SYN3: variants seen among roughly 807,000 people sequenced by gnomAD.
SYN3 encodes synapsin-3.
SYN3 carries 35 observed loss-of-function variants against 65.8 expected under a neutral mutation model. That is an observed-to-expected ratio of 0.53 (90% CI 0.41 to 0.70). The LOEUF (loss-of-function observed/expected upper bound fraction) is 0.70. Ranked by LOEUF, SYN3 falls within the 30% of genes least tolerant of loss-of-function variation. SYN3 has a pLI of 0.00. For missense variants in SYN3, 680 were observed against 749.0 expected (o/e 0.91, Z 1.08); for synonymous variants, 270 against 292.9 (o/e 0.92, Z 0.80).
At chr22:32,699,976 G>A (rs1000744111) in intron 6 of SYN3, among the ~76,000 whole-genome samples, 1 of 152,112 alleles carries the variant, frequency 6.6e-6, no homozygotes, top group African/African-American at 2.4e-5. Flanking sequence ...GGGATAATGG[G>A]ACCAGAGAAG....
chr22:32,730,792 A>C (rs2061260102), intron 6 of SYN3, among the ~76,000 whole-genome samples: 1 of 152,080 alleles, frequency 6.6e-6, no homozygotes, highest in African/African-American at 2.4e-5. Context: ...TCTTACCTTT[A>C]CCTACCCAAC....
At chr22:32,759,805 A>C (rs1269736379) in intron 6 of SYN3, among the ~76,000 whole-genome samples, 3 of 38,254 alleles carry the variant, frequency 7.8e-5, no homozygotes, top group African/African-American at 1.0e-4. Context: ...CCCACGCACC[A>C]CCAGCCAGCA....
chr22:32,740,063 T>G (rs2061385402), intron 6 of SYN3, among the ~76,000 whole-genome samples: 1 of 152,190 alleles, frequency 6.6e-6, no homozygotes, highest in Non-Finnish European at 1.5e-5. Flanking sequence ...TATAAGGAAA[T>G]GCTGGCAGCA....
chr22:32,957,040 G>C (rs930489764), intron 3 of SYN3, among the ~76,000 whole-genome samples: 1 of 152,184 alleles, frequency 6.6e-6, no homozygotes, highest in African/African-American at 2.4e-5. Context: ...GTCAGGGCAG[G>C]CTAATCAGGA....
chr22:32,808,133 T>G (rs1056726871), intron 6 of SYN3, among the ~76,000 whole-genome samples: 2 of 152,126 alleles, frequency 1.3e-5, no homozygotes, highest in African/African-American at 4.8e-5. Flanking sequence ...GAAGATAGCT[T>G]TATGTATTTA....
intron 7 of SYN3, among the ~76,000 whole-genome samples, chr22:32,590,130 C>T (rs2710389): frequency 0.022 from 3,321 of 152,324 alleles, 123 homozygotes; most frequent in African/African-American, 0.076. Context: ...ACTTCTGCCT[C>T]ATCTCCATGA....
Position 32,755,007 on chromosome 22 carries a change from G to A in SYN3, c.711+109908C>T, listed in dbSNP as rs374526674. Among the ~76,000 whole-genome samples, 13 of 152,256 alleles carry A rather than the reference G, an allele frequency of 8.5e-5. No individual in the cohort carries two copies. In the East Asian group the frequency reaches 2.1e-3, roughly 25 times the overall value. ...CCCTGCAAGGACAATGTGAGACTCAGCACAACTCCAAGTCCTTCCCTCCCA... is the reference window on the plus strand; with the variant it reads ...CCCTGCAAGGACAATGTGAGACTCAACACAACTCCAAGTCCTTCCCTCCCA... On this transcript the variant is annotated intron_variant, in intron 6 of 13. Transcript: ENST00000358763.
intron 11 of SYN3, among the ~76,000 whole-genome samples, chr22:32,528,261 TATA>T (rs1367697819): frequency 1.3e-5 from 2 of 152,204 alleles, no homozygotes; most frequent in African/African-American, 4.8e-5. Context: ...GCCCCGTCAG[TATA>T]ATAACTACGA....
intron 6 of SYN3, among the ~76,000 whole-genome samples, chr22:32,788,456 G>C (rs139083176): frequency 0.011 from 1,737 of 152,072 alleles, 17 homozygotes; most frequent in Non-Finnish European, 0.02. Flanking sequence ...CAGGAGAATC[G>C]CTTGAACTCA....
At chr22:32,909,537 C>T (rs2049992298) in intron 4 of SYN3, among the ~76,000 whole-genome samples, 1 of 152,164 alleles carries the variant, frequency 6.6e-6, no homozygotes, top group Non-Finnish European at 1.5e-5. Context: ...TATCTTTGCT[C>T]TCCCAGGGTC....
At chr22:32,535,747 C>T (rs557389889) in intron 9 of SYN3, among the ~76,000 whole-genome samples, 1 of 150,976 alleles carries the variant, frequency 6.6e-6, no homozygotes, top group African/African-American at 2.4e-5. Flanking sequence ...GAAGGGGCTG[C>T]AGGCGTACAG....
In SYN3 at chr22:32,572,255, T is replaced by TTCCTTCCTTCCTTCCTTCCTTCCTTCC. The variant is rs1246276846; in HGVS notation, c.774+24418_774+24419insGGAAGGAAGGAAGGAAGGAAGGAAGGA. Among the ~76,000 whole-genome samples the TTCCTTCCTTCCTTCCTTCCTTCCTTCC allele has an allele frequency of 4.2e-3, 369 of 87,562 alleles. 20 individuals are homozygous for TTCCTTCCTTCCTTCCTTCCTTCCTTCC. Among genetic ancestry groups the TTCCTTCCTTCCTTCCTTCCTTCCTTCC allele is most frequent in the Middle Eastern group, 0.016 (2 of 124 alleles). 57.4% of individuals were successfully genotyped at this position (87,562 alleles called of 152,430 possible). ...AGTCAGATTCTGGCTCCTTCCTTCC[T>TTCCTTCCTTCCTTCCTTCCTTCCTTCC]TTCCTTCCTTCCTTCCCCCCTCCCT... is the stretch of plus-strand genomic sequence containing the variant. On this transcript the variant is annotated intron_variant, in intron 7 of 13. Transcript: ENST00000358763.
At chr22:32,967,550 T>C (rs1460037961) in intron 3 of SYN3, among the ~76,000 whole-genome samples, 2 of 152,204 alleles carry the variant, frequency 1.3e-5, no homozygotes. Flanking sequence ...GGAGATTCCT[T>C]AGACAATCTA....
At chr22:32,732,513 AG>A (rs1451357371) in intron 6 of SYN3, among the ~76,000 whole-genome samples, 3 of 152,246 alleles carry the variant, frequency 2.0e-5, no homozygotes, top group Non-Finnish European at 4.4e-5. Flanking sequence ...GTGAAGTGGT[AG>A]GACCATGGGC....
intron 6 of SYN3, among the ~76,000 whole-genome samples, chr22:32,782,930 A>G (rs575170064): frequency 2.1e-4 from 32 of 152,350 alleles, no homozygotes; most frequent in African/African-American, 7.7e-4. Flanking sequence ...GCAATTCTCT[A>G]TTGAGAAGCA....
chr22:32,876,485 G>T (rs79068903), intron 4 of SYN3, among the ~76,000 whole-genome samples: 3 of 151,984 alleles, frequency 2.0e-5, no homozygotes, highest in African/African-American at 7.3e-5. Flanking sequence ...TGATAAACGC[G>T]TGGAGATTTG....
chr22:32,785,523 G>C (rs1569223324), intron 6 of SYN3, among the ~76,000 whole-genome samples: 1 of 152,178 alleles, frequency 6.6e-6, no homozygotes, highest in Non-Finnish European at 1.5e-5. Flanking sequence ...CACTTGGCTT[G>C]CTCCCATTAG....
chr22:32,802,156 G>A, intron 6 of SYN3: 1 of 1,565,242 alleles, frequency 6.4e-7, no homozygotes, highest in Non-Finnish European at 8.6e-7. Flanking sequence ...CGAGCCCCAC[G>A]CTGCAGCCAG....
chr22:32,950,629 C>T (rs1360151086), intron 3 of SYN3, among the ~76,000 whole-genome samples: 3 of 152,166 alleles, frequency 2.0e-5, no homozygotes, highest in East Asian at 1.9e-4. Flanking sequence ...ATTGTGAGGC[C>T]TTGTGACTTT....
Sources: allele counts gnomAD v4.1 joint callset (sites outside exome capture counted in the v4.1 genomes callset), GRCh38; gene constraint gnomAD v4.1.1; transcripts MANE v1.5; gene names NCBI Gene and HGNC (gene_info 2026-07-23, HGNC 2026-07-21).